The following FAM135B variants were observed in gnomAD, a reference collection of about 807,000 sequenced individuals.
FAM135B encodes the protein protein FAM135B.
Under a neutral mutation model 127.7 loss-of-function variants are expected in FAM135B, and 43 were observed. The ratio of observed to expected loss-of-function variants is 0.34; its 90% CI spans 0.26 to 0.43. The LOEUF is 0.43. FAM135B is among the 20% of genes least tolerant of loss of function. The pLI, the probability that FAM135B is intolerant of heterozygous loss-of-function variation, is 1.00. For synonymous variants in FAM135B, 670 were observed against 665.1 expected (o/e 1.01, Z -0.11); for missense variants, 1,558 against 1,725.6 (o/e 0.90, Z 1.72).
chr8:138,309,895 T>C (rs2130887638), intron 3 of FAM135B, among the ~76,000 whole-genome samples: 1 of 128,640 alleles, frequency 7.8e-6, no homozygotes, highest in South Asian at 2.4e-4. Flanking sequence ...AGCTCCACTC[T>C]GTCACCCAGG....
chr8:138,341,068 A>C, intron 2 of FAM135B, among the ~76,000 whole-genome samples: 1 of 152,178 alleles, frequency 6.6e-6, no homozygotes, highest in East Asian at 1.9e-4. Flanking sequence ...CTGGGTATAA[A>C]CCCAGAAGAA....
At chr8:138,302,160 C>T (rs1825935836) in intron 3 of FAM135B, among the ~76,000 whole-genome samples, 1 of 151,382 alleles carries the variant, frequency 6.6e-6, no homozygotes, top group Non-Finnish European at 1.5e-5. Flanking sequence ...TTATTATTCC[C>T]ATTTTACAGA....
At chr8:138,465,346 A>G (rs1837329877) in intron 1 of FAM135B, among the ~76,000 whole-genome samples, 1 of 152,188 alleles carries the variant, frequency 6.6e-6, no homozygotes, top group Non-Finnish European at 1.5e-5. Context: ...CAAGGAGTCC[A>G]TCATATCCCC....
intron 1 of FAM135B, among the ~76,000 whole-genome samples, chr8:138,485,732 G>T (rs1814959085): frequency 6.6e-6 from 1 of 152,120 alleles, no homozygotes; most frequent in Non-Finnish European, 1.5e-5. Context: ...GTAAGGAGGG[G>T]AGTTATAAAA....
intron 9 of FAM135B, among the ~76,000 whole-genome samples, chr8:138,192,765 C>T (rs1816253504): frequency 6.6e-6 from 1 of 152,164 alleles, no homozygotes; most frequent in South Asian, 2.1e-4. Flanking sequence ...ATTTGAGTAA[C>T]AATAAAACTC....
chr8:138,221,655 T>C lies in FAM135B; in HGVS notation c.669+21287A>G, dbSNP rs149311135. On this transcript the variant is annotated intron_variant, in intron 7 of 19. Transcript: ENST00000395297. Reference sequence around the variant, plus strand: ...TGACGTATCAGAATGAAAAACCTCATAATTCATGGAATATTGAGGAGAAAA... The same window carrying C: ...TGACGTATCAGAATGAAAAACCTCACAATTCATGGAATATTGAGGAGAAAA... 4.1e-3 allele frequency among the ~76,000 whole-genome samples: 621 copies of C among 152,272 alleles called. 6 individuals are homozygous for C. Among genetic ancestry groups the C allele is most frequent in the African/African-American group, 0.014 (574 of 41,560 alleles).
At chr8:138,240,460 C>T (rs540558221) in intron 7 of FAM135B, among the ~76,000 whole-genome samples, 21 of 152,298 alleles carry the variant, frequency 1.4e-4, no homozygotes, top group Non-Finnish European at 1.6e-4. Flanking sequence ...TGGCTCCTGC[C>T]GTGTGAAGCA....
At chr8:138,203,389 C>T (rs1002483830) in intron 7 of FAM135B, among the ~76,000 whole-genome samples, 5 of 152,200 alleles carry the variant, frequency 3.3e-5, no homozygotes, top group Non-Finnish European at 5.9e-5. Context: ...TTCCAGACTT[C>T]GTTCTCACTT....
intron 12 of FAM135B, among the ~76,000 whole-genome samples, chr8:138,166,904 C>A (rs1205098811): frequency 6.6e-6 from 1 of 152,022 alleles, no homozygotes; most frequent in Non-Finnish European, 1.5e-5. Context: ...TGCTTCCATA[C>A]TTTACCCTTT....
At chr8:138,195,501 T>A (rs1250964163) in intron 8 of FAM135B, among the ~76,000 whole-genome samples, 194 bp from the exon 9 acceptor site, 2 of 87,134 alleles carry the variant, frequency 2.3e-5, no homozygotes, top group Admixed American at 2.9e-4. Context: ...ATTGGAGCCA[T>A]GGACTGGACT....
chr8:138,336,315 G>A lies in FAM135B; in HGVS notation c.78-25395C>T, dbSNP rs534799965. Reference sequence around the variant, plus strand: ...GCCCTTCAAAAAATCAATGAATCCAGGAGCTGGTTTTTTGAAAAGACCAAC... The same window carrying A: ...GCCCTTCAAAAAATCAATGAATCCAAGAGCTGGTTTTTTGAAAAGACCAAC... On this transcript the variant is annotated intron_variant, in intron 2 of 19. Transcript: ENST00000395297. Among the ~76,000 whole-genome samples the A allele has an allele frequency of 1.4e-3, 215 of 152,236 alleles. 1 individual carries two copies. Among genetic ancestry groups the A allele is most frequent in the African/African-American group, 4.9e-3 (204 of 41,524 alleles).
Position 138,151,296 on chromosome 8 carries a change from T to C in FAM135B, c.3179A>G (p.Lys1060Arg), listed in dbSNP as rs910208548. Residue 1060 changes from lysine (K) to arginine (R), a missense_variant, in exon 13 of 20, where the codon AAA (lysine) becomes AGA (arginine). Coordinates refer to ENST00000395297, the MANE Select transcript of FAM135B (RefSeq NM_015912.4). ...ATGGGTGATGGGAAACAGGGTCTGT[T>C]TGGAAGAGAATCCAGCCCTGGCAGG... The part of the protein sequence containing the change: ...ETPARAGFSS[K>R]QTLFPITHQP... 6.2e-7 allele frequency: 1 copy of C among 1,613,854 alleles called. No individual in the cohort carries two copies. The highest frequency in any genetic ancestry group is 8.5e-7 in the Non-Finnish European group (1 of 1,180,006).
intron 1 of FAM135B, among the ~76,000 whole-genome samples, chr8:138,420,019 C>A (rs1019918072): frequency 1.3e-5 from 2 of 151,696 alleles, no homozygotes; most frequent in Non-Finnish European, 2.9e-5. Flanking sequence ...AATCAAGATA[C>A]AAAAATATAT....
chr8:138,339,487 A>T (rs1828890313), intron 2 of FAM135B, among the ~76,000 whole-genome samples: 1 of 151,854 alleles, frequency 6.6e-6, no homozygotes, highest in Non-Finnish European at 1.5e-5. Flanking sequence ...GCAGAATGCC[A>T]GGGATGTATT....
chr8:138,459,261 TACTTCTCCA>T (rs1836985651), intron 1 of FAM135B: 1 of 152,180 alleles, frequency 6.6e-6, no homozygotes, highest in Non-Finnish European at 1.5e-5. Flanking sequence ...CATTTGTTGG[TACTTCTCCA>T]GAACCACTTT....
At chr8:138,380,164 G>C (rs934908058) in intron 1 of FAM135B, among the ~76,000 whole-genome samples, 3 of 151,906 alleles carry the variant, frequency 2.0e-5, no homozygotes, top group Non-Finnish European at 2.9e-5. Context: ...GCACCATATG[G>C]GTTTCTTTCT....
chr8:138,239,727 T>C (rs773141466), intron 7 of FAM135B, among the ~76,000 whole-genome samples: 15 of 152,244 alleles, frequency 9.9e-5, no homozygotes, highest in Middle Eastern at 3.4e-3. Context: ...CTATTCACAA[T>C]AGCAAAGACT....
chr8:138,374,145 C>G (rs1323968886), intron 1 of FAM135B, among the ~76,000 whole-genome samples: 1 of 152,136 alleles, frequency 6.6e-6, no homozygotes, highest in African/African-American at 2.4e-5. Flanking sequence ...TGATGTCTCC[C>G]TCGGACGCCC....
chr8:138,196,920 G>A (rs995709194), intron 8 of FAM135B, among the ~76,000 whole-genome samples: 7 of 152,150 alleles, frequency 4.6e-5, no homozygotes, highest in East Asian at 1.9e-4. Flanking sequence ...CAGGTCCATC[G>A]TCTGTCAATC....
Sources: allele counts gnomAD v4.1 joint callset (sites outside exome capture counted in the v4.1 genomes callset), GRCh38; gene constraint gnomAD v4.1.1; transcripts MANE v1.5; gene names NCBI Gene and HGNC (gene_info 2026-07-23, HGNC 2026-07-21).